EFR3A: variants seen among roughly 807,000 people sequenced by gnomAD.
EFR3A encodes the protein protein EFR3 homolog A.
In EFR3A, 76 loss-of-function variants were observed where a neutral mutation model predicts 104.4. That is an observed-to-expected ratio of 0.73 (90% CI 0.60 to 0.88). The LOEUF (loss-of-function observed/expected upper bound fraction) is 0.88. Ranked by LOEUF, EFR3A falls within the 40% of genes least tolerant of loss-of-function variation. The pLI is 0.00. For synonymous variants in EFR3A, 330 were observed against 330.0 expected, an observed-to-expected ratio of 1.00 and a Z score of 0.00; for missense variants, 985 against 1,012.5, an observed-to-expected ratio of 0.97 and a Z score of 0.37.
At chr8:131,972,113 G>A (rs1296639039) in intron 10 of EFR3A, among the ~76,000 whole-genome samples, 2 of 152,080 alleles carry the variant, frequency 1.3e-5, no homozygotes, top group African/African-American at 4.8e-5. Flanking sequence ...AGGAATGCAT[G>A]TATTTGTTTA....
At chr8:132,000,013 G>A (rs1016600767) in intron 19 of EFR3A, among the ~76,000 whole-genome samples, 4 of 151,954 alleles carry the variant, frequency 2.6e-5, no homozygotes, top group Non-Finnish European at 5.9e-5. Context: ...GAGGGCAGGA[G>A]TACTCTACTT....
intron 3 of EFR3A, among the ~76,000 whole-genome samples, chr8:131,946,233 G>C (rs1818434025): frequency 1.3e-5 from 2 of 152,028 alleles, no homozygotes; most frequent in South Asian, 4.1e-4. Context: ...TTAATGTTAA[G>C]CTCACATAGT....
rs557169805 is a variant in EFR3A at position 131,996,290 on chromosome 8, A to C, written c.2066-116A>C. The C allele has an allele frequency of 1.3e-5, 8 of 623,848 alleles. No individual in the cohort carries two copies. In the Admixed American group the frequency reaches 2.9e-4, roughly 23 times the overall value. The allele number at this position is 623,848 out of a possible 1,614,324, so 38.6% of individuals were successfully genotyped here. A position where few individuals can be genotyped will look rare whatever the true frequency, so the allele number is the denominator to read the frequency against. ...TTTATGTATTTAGAAGGAACAAAAAAGACAAACTGTCTGAATTTTTTGACA... is the reference window on the plus strand; with the variant it reads ...TTTATGTATTTAGAAGGAACAAAAACGACAAACTGTCTGAATTTTTTGACA... On this transcript the variant is annotated intron_variant, in intron 18 of 22. Transcript: ENST00000254624.
At chr8:131,953,212 A>G (rs1818793401) in intron 5 of EFR3A, among the ~76,000 whole-genome samples, 1 of 152,142 alleles carries the variant, frequency 6.6e-6, no homozygotes, top group African/African-American at 2.4e-5. Context: ...TCTCACTATT[A>G]TATTGATACA....
intron 1 of EFR3A, among the ~76,000 whole-genome samples, chr8:131,917,684 C>T (rs1020546470): frequency 4.0e-5 from 6 of 148,328 alleles, no homozygotes; most frequent in African/African-American, 1.5e-4. Context: ...TTAAGTTTAT[C>T]TTTATAGTTG....
intron 1 of EFR3A, among the ~76,000 whole-genome samples, chr8:131,923,387 T>C (rs1048939964): frequency 5.3e-5 from 8 of 152,076 alleles, no homozygotes; most frequent in African/African-American, 1.9e-4. Context: ...TCTTTTCTAT[T>C]CTCAATATTT....
chr8:131,964,040 C>G (rs1819554766), intron 8 of EFR3A, among the ~76,000 whole-genome samples: 1 of 152,154 alleles, frequency 6.6e-6, no homozygotes, highest in Admixed American at 6.6e-5. Flanking sequence ...GCTAAAAACT[C>G]TCAATAAATT....
chr8:131,967,379 C>T (rs916441807), intron 8 of EFR3A, among the ~76,000 whole-genome samples: 2 of 152,088 alleles, frequency 1.3e-5, no homozygotes, highest in African/African-American at 4.8e-5. Flanking sequence ...TGCTTCTTAT[C>T]AAACCACACA....
At chr8:131,930,162 A>G (rs1817516272) in intron 1 of EFR3A, among the ~76,000 whole-genome samples, 1 of 152,132 alleles carries the variant, frequency 6.6e-6, no homozygotes, top group Non-Finnish European at 1.5e-5. Flanking sequence ...GAGTTTGTTT[A>G]TTCATTCATT....
intron 4 of EFR3A, among the ~76,000 whole-genome samples, chr8:131,947,825 G>A (rs1818512236): frequency 6.6e-6 from 1 of 151,906 alleles, no homozygotes; most frequent in African/African-American, 2.4e-5. Flanking sequence ...GAATGGTCTT[G>A]GCAGTCTTTT....
intron 1 of EFR3A, among the ~76,000 whole-genome samples, chr8:131,910,812 A>T (rs1426140477): frequency 6.6e-6 from 1 of 152,166 alleles, no homozygotes; most frequent in East Asian, 1.9e-4. Flanking sequence ...TTGTGGTGGG[A>T]TGGATTGCAG....
chr8:131,975,521 A>G (rs969583306), intron 10 of EFR3A, among the ~76,000 whole-genome samples: 7 of 150,024 alleles, frequency 4.7e-5, no homozygotes, highest in South Asian at 2.1e-4. Context: ...GGTTCAAGCA[A>G]TTCTCCTGCC....
chr8:131,925,812 C>T (rs905501907), intron 1 of EFR3A, among the ~76,000 whole-genome samples: 1 of 152,066 alleles, frequency 6.6e-6, no homozygotes, highest in African/African-American at 2.4e-5. Flanking sequence ...TGTCCCTGAT[C>T]CTGTGTTTTC....
intron 9 of EFR3A, among the ~76,000 whole-genome samples, chr8:131,968,660 G>T (rs921953104): frequency 1.3e-5 from 2 of 151,996 alleles, no homozygotes; most frequent in African/African-American, 4.8e-5. Context: ...TTCTAATAAA[G>T]GTTTTTGAGT....
intron 1 of EFR3A, among the ~76,000 whole-genome samples, chr8:131,934,824 CATATT>C (rs749678220): frequency 7.9e-5 from 12 of 151,880 alleles, no homozygotes; most frequent in South Asian, 2.1e-4. Flanking sequence ...CACATACACA[CATATT>C]ATATGTAAAT....
intron 22 of EFR3A, among the ~76,000 whole-genome samples, chr8:132,005,884 G>A (rs911505334): frequency 6.6e-6 from 1 of 152,064 alleles, no homozygotes; most frequent in Non-Finnish European, 1.5e-5. Flanking sequence ...GTAAGTAAAT[G>A]TCAGGAAACT....
chr8:131,986,249 G>T lies in EFR3A; in HGVS notation c.1925G>T (p.Arg642Ile). 1 of 1,574,636 alleles carries T rather than the reference G, an allele frequency of 6.4e-7. No individual in the cohort carries two copies. The highest frequency in any genetic ancestry group is 8.7e-7 in the Non-Finnish European group (1 of 1,147,024). The change falls in exon 17 of 23, where the codon AGA (arginine) becomes ATA (isoleucine). Residue 642 changes from arginine (R) to isoleucine (I), a missense_variant. Transcript: ENST00000254624. The stretch of plus-strand genomic sequence containing the variant: ...TATTTTCTACCAGAGCATATCTTCA[G>T]AGATAAGTGCATGTATGTTAATTCT... ...APYFLPEHIFRDKCMLPKSLE... is the reference protein window; with the variant it reads ...APYFLPEHIFIDKCMLPKSLE...
chr8:131,984,945 A>G lies in EFR3A; in HGVS notation c.1754A>G (p.Asn585Ser), dbSNP rs373060497. 9 of 1,613,408 alleles carry G rather than the reference A, an allele frequency of 5.6e-6. No individual in the cohort carries two copies. Among genetic ancestry groups the G allele is most frequent in the Middle Eastern group, 1.7e-4 (1 of 6,052 alleles). The change falls in exon 16 of 23, where the codon AAT (asparagine) becomes AGT (serine). Residue 585 changes from asparagine (N) to serine (S), a missense_variant. Asn to Ser is a conservative substitution (Grantham distance 46). Coordinates refer to ENST00000254624, the MANE Select transcript of EFR3A (RefSeq NM_015137.6). ...TTATTAAAGGACAGTGCAATTATCA[A>G]TGAGGATAATTTGCCAATGTTCCAT... ...AIALQDSAII[N>S]EDNLPMFHRC...
rs527791761 is a variant in EFR3A at position 131,991,226 on chromosome 8, G to A, written c.2065+3524G>A. The stretch of plus-strand genomic sequence containing the variant: ...TCATGAGACTTATTCACTATCACGA[G>A]ACTAATGTGGGAAAGACCAACCCTC... On this transcript the variant is annotated intron_variant, in intron 18 of 22. Transcript: ENST00000254624. Among the ~76,000 whole-genome samples, 3 of 152,198 alleles carry A rather than the reference G, an allele frequency of 2.0e-5. No homozygotes were observed. In the South Asian group the frequency reaches 6.2e-4, roughly 32 times the overall value.
Sources: allele counts gnomAD v4.1 joint callset (sites outside exome capture counted in the v4.1 genomes callset), GRCh38; gene constraint gnomAD v4.1.1; transcripts MANE v1.5; gene names NCBI Gene and HGNC (gene_info 2026-07-23, HGNC 2026-07-21).